The following BCAR3 variants were observed in gnomAD, a reference collection of about 807,000 sequenced individuals.
BCAR3 encodes the protein BCAR3 adaptor protein, NSP family member.
A neutral mutation model predicts 80.1 loss-of-function variants in BCAR3; 37 were observed. That is an observed-to-expected ratio of 0.46 (90% CI 0.36 to 0.61). The LOEUF (loss-of-function observed/expected upper bound fraction) is 0.61. Among genes scored for constraint, BCAR3 ranks in the 20% least tolerant of loss-of-function variants. The pLI, the probability that BCAR3 is intolerant of heterozygous loss-of-function variation, is 0.00. For missense variants in BCAR3, 978 were observed against 1,068.2 expected (o/e 0.92, Z 1.18); for synonymous variants, 389 against 418.9 (o/e 0.93, Z 0.87).
At chr1:93,730,414 C>T (rs1016100293) in intron 2 of BCAR3, among the ~76,000 whole-genome samples, 6 of 152,356 alleles carry the variant, frequency 3.9e-5, no homozygotes, top group Middle Eastern at 3.4e-3. Context: ...CAGCCCGCCA[C>T]ACCTGGGACC....
intron 3 of BCAR3, among the ~76,000 whole-genome samples, chr1:93,598,653 G>A (rs1322233951): frequency 6.6e-6 from 1 of 152,168 alleles, no homozygotes; most frequent in African/African-American, 2.4e-5. Context: ...GAAACATACT[G>A]CTTGTCCTGC....
intron 2 of BCAR3, among the ~76,000 whole-genome samples, chr1:93,671,872 C>A (rs766772274): frequency 6.6e-6 from 1 of 151,708 alleles, no homozygotes; most frequent in Non-Finnish European, 1.5e-5. Flanking sequence ...TTGGGAACAC[C>A]TCAGGAGATT....
At chr1:93,650,150 C>T (rs1479680076) in intron 2 of BCAR3, among the ~76,000 whole-genome samples, 1 of 151,984 alleles carries the variant, frequency 6.6e-6, no homozygotes, top group East Asian at 1.9e-4. Context: ...TTTGGGAGGC[C>T]GAGGCAGGCA....
At chr1:93,749,848 A>G (rs1651491466) in intron 2 of BCAR3, among the ~76,000 whole-genome samples, 1 of 145,882 alleles carries the variant, frequency 6.9e-6, no homozygotes, top group East Asian at 2.0e-4. Flanking sequence ...CGTTCTTGAT[A>G]TTTGCTCAGT....
intron 2 of BCAR3, among the ~76,000 whole-genome samples, chr1:93,654,621 T>C (rs998283354): frequency 6.6e-6 from 1 of 152,146 alleles, no homozygotes; most frequent in Non-Finnish European, 1.5e-5. Flanking sequence ...CAAAGAAAAA[T>C]GAACATGCTC....
chr1:93,840,687 C>G (rs921874795), intron 2 of BCAR3, among the ~76,000 whole-genome samples: 1 of 152,214 alleles, frequency 6.6e-6, no homozygotes, highest in African/African-American at 2.4e-5. Flanking sequence ...TCTACTTCCA[C>G]AAACGCATTC....
chr1:93,700,877 A>G (rs1649617002), intron 3 of BCAR3, among the ~76,000 whole-genome samples: 1 of 152,208 alleles, frequency 6.6e-6, no homozygotes, highest in Admixed American at 6.5e-5. Context: ...GCTACTGCGG[A>G]GGGTAGGCTC....
chr1:93,567,314 T>A lies in BCAR3; in HGVS notation c.2264A>T (p.Asp755Val). Reference sequence around the variant, plus strand: ...CCTCTCAGCATTCATCCGGTAGCTGTCTGCAGCCTCGGCCATGAATCGCGC... The same window carrying A: ...CCTCTCAGCATTCATCCGGTAGCTGACTGCAGCCTCGGCCATGAATCGCGC... Reference protein sequence around the residue: ...ATARFMAEAADSYRMNAERIL... With the variant: ...ATARFMAEAAVSYRMNAERIL... Residue 755 changes from aspartate (D) to valine (V), a missense_variant, in exon 11 of 12, where the codon GAC becomes GTC. By Grantham distance (152) the Asp-to-Val change is radical. Transcript: ENST00000260502. 6.2e-7 allele frequency: 1 copy of A among 1,614,200 alleles called. No homozygotes were observed.
intron 2 of BCAR3, among the ~76,000 whole-genome samples, chr1:93,673,910 G>T (rs1648338486): frequency 6.6e-6 from 1 of 152,152 alleles, no homozygotes; most frequent in Admixed American, 6.5e-5. Context: ...ATGATAAAAA[G>T]AAAATACTTG....
At chr1:93,733,450 G>T (rs986738075) in intron 2 of BCAR3, among the ~76,000 whole-genome samples, 1 of 152,204 alleles carries the variant, frequency 6.6e-6, no homozygotes, top group African/African-American at 2.4e-5. Flanking sequence ...TGCGCTGGGG[G>T]TAAAGGAGAG....
intron 7 of BCAR3, among the ~76,000 whole-genome samples, chr1:93,578,255 T>C (rs1673538599): frequency 6.6e-6 from 1 of 152,116 alleles, no homozygotes; most frequent in Non-Finnish European, 1.5e-5. Flanking sequence ...CGCAAGGGCC[T>C]TTCTAAAATG....
chr1:93,616,300 C>T (rs951219945), intron 3 of BCAR3, among the ~76,000 whole-genome samples: 5 of 152,178 alleles, frequency 3.3e-5, no homozygotes, highest in African/African-American at 9.7e-5. Flanking sequence ...TGAAGCAGCA[C>T]TCAAAGGTTT....
rs201499404 is a variant in BCAR3 at position 93,600,040 on chromosome 1, A to AT, written c.358-7648dup. Among the ~76,000 whole-genome samples the AT allele has an allele frequency of 6.4e-3, 970 of 152,258 alleles. 5 individuals are homozygous for AT. The highest frequency in any genetic ancestry group is 0.01 in the Middle Eastern group (3 of 294). ...TGTCATATTGCCCCTAGGTTCAGAG[A>AT]TTTTAGTCCAAGGGTGCTCCAGCTA... On this transcript the variant is annotated intron_variant, in intron 3 of 11. Coordinates refer to ENST00000260502, the MANE Select transcript of BCAR3 (RefSeq NM_003567.4).
intron 2 of BCAR3, among the ~76,000 whole-genome samples, chr1:93,828,840 A>G (rs1654463138): frequency 2.0e-5 from 3 of 152,064 alleles, no homozygotes; most frequent in Admixed American, 1.3e-4. Context: ...CTACAGGCGC[A>G]TGCTACCACA....
intron 2 of BCAR3, among the ~76,000 whole-genome samples, chr1:93,776,373 A>G (rs939385181): frequency 2.0e-5 from 3 of 152,094 alleles, no homozygotes; most frequent in Non-Finnish European, 4.4e-5. Context: ...CCCACCCCCA[A>G]ACATGCCATT....
rs59798936 is a variant in BCAR3 at position 93,769,355 on chromosome 1, ATGTGTGTGTGTGTGTGTGTGTGTG to A, written c.-62-63237_-62-63214del. On this transcript the variant is annotated intron_variant, in intron 2 of 13. Coordinates refer to the BCAR3 transcript ENST00000370244. ...TTTAGGACTAAATATGTGGGTAGGA[ATGTGTGTGTGTGTGTGTGTGTGTG>A]TGTGTGTGTGTGTGTGTGTGTGTGT... 2.6e-4 allele frequency among the ~76,000 whole-genome samples: 31 copies of A among 119,918 alleles called. 1 individual carries two copies. The highest frequency in any genetic ancestry group is 7.9e-4 in the African/African-American group (25 of 31,506). 78.7% of individuals were successfully genotyped at this position (119,918 alleles called of 152,430 possible).
chr1:93,566,041 A>G (rs1022986172), intron 11 of BCAR3, among the ~76,000 whole-genome samples: 1 of 152,144 alleles, frequency 6.6e-6, no homozygotes, highest in African/African-American at 2.4e-5. Context: ...TTTAAAACAG[A>G]AATCTGACCA....
intron 2 of BCAR3, among the ~76,000 whole-genome samples, chr1:93,829,119 G>A (rs1654471993): frequency 6.6e-6 from 1 of 152,158 alleles, no homozygotes; most frequent in Non-Finnish European, 1.5e-5. Flanking sequence ...GAGGGTCTCC[G>A]GTCTGCAGTG....
chr1:93,719,975 CA>C (rs1325587629), intron 2 of BCAR3, among the ~76,000 whole-genome samples: 1 of 152,184 alleles, frequency 6.6e-6, no homozygotes, highest in Non-Finnish European at 1.5e-5. Flanking sequence ...CAGGTACAAT[CA>C]TAGTGCACTA....
Sources: gnomAD v4.1 joint callset for allele counts (sites outside exome capture counted in the v4.1 genomes callset) on GRCh38, gnomAD v4.1.1 for gene constraint, MANE v1.5 for transcripts, NCBI Gene and HGNC (gene_info 2026-07-23, HGNC 2026-07-21) for gene names.